PARD3: variants seen among roughly 807,000 people sequenced by gnomAD.
The protein encoded by PARD3 is par-3 family cell polarity regulator.
In PARD3, 75 loss-of-function variants were observed where a neutral mutation model predicts 155.4. That is an observed-to-expected ratio of 0.48 (90% CI 0.40 to 0.58). The LOEUF (loss-of-function observed/expected upper bound fraction) is 0.58, where lower values mean the gene tolerates loss of function less well. Among genes scored for constraint, PARD3 ranks in the 20% least tolerant of loss-of-function variants. PARD3 has a pLI of 0.00. For synonymous variants in PARD3, 576 were observed against 610.5 expected, an observed-to-expected ratio of 0.94 and a Z score of 0.83; for missense variants, 1,642 against 1,721.7, an observed-to-expected ratio of 0.95 and a Z score of 0.82.
intron 10 of PARD3, among the ~76,000 whole-genome samples, chr10:34,376,260 G>A (rs1347447425): frequency 2.0e-5 from 3 of 152,116 alleles, no homozygotes; most frequent in East Asian, 1.9e-4. Context: ...AGCCTAACTC[G>A]AAAGACATGC....
chr10:34,500,645 G>C (rs1349012501), intron 3 of PARD3, among the ~76,000 whole-genome samples: 2 of 152,150 alleles, frequency 1.3e-5, no homozygotes, highest in Non-Finnish European at 2.9e-5. Flanking sequence ...AGGAGGCTGA[G>C]GTGGGAGAAC....
At chr10:34,355,953 AAAACC>A (rs567639906) in intron 14 of PARD3, among the ~76,000 whole-genome samples, 7,942 of 120,420 alleles carry the variant, frequency 0.066, 481 homozygotes, top group African/African-American at 0.22. Context: ...AAAACAAAAC[AAAACC>A]AAACAAAAAA....
At chr10:34,776,233 G>A (rs1839509079) in intron 1 of PARD3, among the ~76,000 whole-genome samples, 1 of 152,104 alleles carries the variant, frequency 6.6e-6, no homozygotes, top group South Asian at 2.1e-4. Context: ...GAAGACAAGG[G>A]AACAATAAAC....
In PARD3 at chr10:34,284,279, T is replaced by C. The variant is rs752063849; in HGVS notation, c.3066-34A>G. 25 of 1,234,688 alleles carry C rather than the reference T, an allele frequency of 2.0e-5. No individual in the cohort carries two copies. The East Asian group carries it at 4.5e-4, about 22-fold the overall frequency. The allele number at this position is 1,234,688 out of a possible 1,614,324, so 76.5% of individuals were successfully genotyped here. The stretch of plus-strand genomic sequence containing the variant: ...AACAAAAAATTCTAACTTGTCAATA[T>C]ATACAAAATGAGCTTTCTTTTGTTT... On this transcript the variant is annotated intron_variant, in intron 20 of 24. Transcript: ENST00000374788.
intron 22 of PARD3, among the ~76,000 whole-genome samples, chr10:34,254,547 T>TGC (rs1448206163): frequency 1.6e-5 from 1 of 63,454 alleles, no homozygotes; most frequent in African/African-American, 5.6e-5. Context: ...CGTGTGTGTG[T>TGC]GTGTGTGTGT....
Position 34,284,117 on chromosome 10 carries a change from C to CA in PARD3, c.3176+17dup. On this transcript the variant is annotated intron_variant, in intron 21 of 24. Transcript: ENST00000374788. ...GAACCTCTTTCTAAGGAGGTTTAAT[C>CA]AAGTAACTGAAGTCTACCTCTCCTG... 1 of 1,371,628 alleles carries CA rather than the reference C, an allele frequency of 7.3e-7. No individual in the cohort carries two copies. The highest frequency in any genetic ancestry group is 1.0e-6 in the Non-Finnish European group (1 of 977,018). The allele number at this position is 1,371,628 out of a possible 1,614,324, so 85.0% of individuals were successfully genotyped here. A position where few individuals can be genotyped will look rare whatever the true frequency, so the allele number is the denominator to read the frequency against.
At chr10:34,222,482 G>A (rs1372107675) in intron 22 of PARD3, among the ~76,000 whole-genome samples, 3 of 152,214 alleles carry the variant, frequency 2.0e-5, no homozygotes, top group Admixed American at 6.5e-5. Context: ...TACGTACCTC[G>A]CTGCTCTTGC....
At chr10:34,213,782 C>T (rs1291073400) in intron 22 of PARD3, among the ~76,000 whole-genome samples, 2 of 152,088 alleles carry the variant, frequency 1.3e-5, no homozygotes, top group Admixed American at 6.5e-5. Context: ...TGCTGCTCCA[C>T]GATTCATGAA....
In PARD3 at chr10:34,481,522, A is replaced by G. The variant is rs369204889; in HGVS notation, c.404-11259T>C. ...CCCAGGTCCTTTGCTAAGCCAGTAC[A>G]GTTCAGGGGAAAAGTTAGTTGAGCC... On this transcript the variant is annotated intron_variant, in intron 3 of 24. Transcript: ENST00000374788. Among the ~76,000 whole-genome samples, 148 of 152,282 alleles carry G rather than the reference A, an allele frequency of 9.7e-4. 2 individuals carry two copies. In the East Asian group the frequency reaches 0.017, roughly 17 times the overall value.
intron 2 of PARD3, among the ~76,000 whole-genome samples, chr10:34,636,958 G>A (rs371265961): frequency 9.9e-5 from 15 of 152,284 alleles, no homozygotes; most frequent in East Asian, 3.9e-4. Context: ...GCTCTGTTAC[G>A]GAGCAAGAAA....
At chr10:34,677,847 A>G (rs1481359296) in intron 2 of PARD3, among the ~76,000 whole-genome samples, 1 of 152,182 alleles carries the variant, frequency 6.6e-6, no homozygotes, top group Non-Finnish European at 1.5e-5. Flanking sequence ...GTAAAAATAA[A>G]AAAAGCACAT....
intron 1 of PARD3, among the ~76,000 whole-genome samples, chr10:34,754,712 A>G (rs557975577): frequency 8.5e-5 from 13 of 152,318 alleles, no homozygotes; most frequent in African/African-American, 2.9e-4. Context: ...AACTATGCCA[A>G]CCTCCAAAAA....
intron 2 of PARD3, among the ~76,000 whole-genome samples, chr10:34,686,448 A>G (rs901229171): frequency 2.0e-5 from 3 of 152,006 alleles, no homozygotes; most frequent in African/African-American, 7.2e-5. Flanking sequence ...AAAAAAAAAA[A>G]AATAGGGCCA....
chr10:34,201,707 T>C (rs191089067), intron 22 of PARD3, among the ~76,000 whole-genome samples: 91 of 152,362 alleles, frequency 6.0e-4, no homozygotes, highest in African/African-American at 2.0e-3. Flanking sequence ...CTCTAGGGTA[T>C]GTTAAAAAAT....
rs1491326864 is a variant in PARD3, at chr10:34,355,958, C to CAAAAAAA, written c.2067+3188_2067+3189insTTTTTTT. Among the ~76,000 whole-genome samples the CAAAAAAA allele has an allele frequency of 7.0e-4, 81 of 116,084 alleles. 2 individuals carry two copies. The highest frequency in any genetic ancestry group is 1.2e-3 in the African/African-American group (27 of 21,670). 76.2% of individuals were successfully genotyped at this position (116,084 alleles called of 152,430 possible). A position where few individuals can be genotyped will look rare whatever the true frequency, so the allele number is the denominator to read the frequency against. ...AAAAAAAAAAAAAACAAAACAAAAC[C>CAAAAAAA]AAACAAAAAAACAGACAACAGACCC... On this transcript the variant is annotated intron_variant, in intron 14 of 24. Coordinates refer to ENST00000374788, the MANE Select transcript of PARD3 (RefSeq NM_001184785.2).
intron 22 of PARD3, among the ~76,000 whole-genome samples, chr10:34,268,792 G>A (rs1955468044): frequency 6.6e-6 from 1 of 152,128 alleles, no homozygotes; most frequent in Admixed American, 6.5e-5. Flanking sequence ...ATGGGGGGAG[G>A]GGTGAGGGAA....
rs546814955 is a variant in PARD3 at position 34,260,519 on chromosome 10, C to G, written c.3419+9138G>C. 2.0e-5 allele frequency among the ~76,000 whole-genome samples: 3 copies of G among 152,246 alleles called. No homozygotes were observed. In the East Asian group the frequency reaches 5.8e-4, roughly 29 times the overall value. On this transcript the variant is annotated intron_variant, in intron 22 of 24. Coordinates refer to ENST00000374788, the MANE Select transcript of PARD3 (RefSeq NM_001184785.2). ...ATGTGGATGGGCTAGAGGTCTGGAG[C>G]TGAGTTGTGCTGAAGGGACCAACAA...
intron 1 of PARD3, among the ~76,000 whole-genome samples, chr10:34,709,746 G>A (rs368053074): frequency 1.3e-5 from 2 of 152,126 alleles, no homozygotes; most frequent in South Asian, 2.1e-4. Flanking sequence ...AGAGGGAGAA[G>A]GGAACTACTT....
At chr10:34,552,385 C>A (rs1414021234) in intron 2 of PARD3, among the ~76,000 whole-genome samples, 2 of 152,224 alleles carry the variant, frequency 1.3e-5, no homozygotes, top group East Asian at 3.9e-4. Flanking sequence ...CAGCAGACAG[C>A]CACCACACCC....
Sources: gnomAD v4.1 joint callset for allele counts (sites outside exome capture counted in the v4.1 genomes callset) on GRCh38, gnomAD v4.1.1 for gene constraint, MANE v1.5 for transcripts, NCBI Gene and HGNC (gene_info 2026-07-23, HGNC 2026-07-21) for gene names.